The following TMEM132C variants were observed in gnomAD, a reference collection of about 807,000 sequenced individuals.
TMEM132C encodes transmembrane protein 132C.
A neutral mutation model predicts 61.4 loss-of-function variants in TMEM132C; 29 were observed. The ratio of observed to expected loss-of-function variants is 0.47; its 90% CI spans 0.35 to 0.64. TMEM132C has a LOEUF of 0.64. TMEM132C is among the 30% of genes least tolerant of loss of function. TMEM132C has a pLI of 0.00. For missense variants in TMEM132C, 1,408 were observed against 1,476.9 expected (o/e 0.95, Z 0.76); for synonymous variants, 656 against 633.1 (o/e 1.04, Z -0.54).
intron 1 of TMEM132C, among the ~76,000 whole-genome samples, chr12:128,360,252 A>ACG (rs1873657282): frequency 3.0e-5 from 2 of 67,580 alleles, no homozygotes; most frequent in African/African-American, 6.7e-5. Context: ...GACGACACAC[A>ACG]CACACACACA....
chr12:128,413,461 G>A (rs1471797502), intron 1 of TMEM132C, among the ~76,000 whole-genome samples: 1 of 151,738 alleles, frequency 6.6e-6, no homozygotes, highest in East Asian at 1.9e-4. Context: ...CAGAAAGGTC[G>A]TACCGCTTTT....
At chr12:128,588,630 T>C (rs56105550) in intron 3 of TMEM132C, among the ~76,000 whole-genome samples, 74,171 of 151,790 alleles carry the variant, frequency 0.49, 20,068 homozygotes, top group East Asian at 0.71. Context: ...AATGTAACTC[T>C]CAATGTGGTG....
intron 2 of TMEM132C, among the ~76,000 whole-genome samples, chr12:128,489,948 A>T (rs1221158748): frequency 6.6e-6 from 1 of 152,070 alleles, no homozygotes; most frequent in Non-Finnish European, 1.5e-5. Flanking sequence ...TGCCACCAAA[A>T]TCGTTGTGTT....
intron 2 of TMEM132C, among the ~76,000 whole-genome samples, chr12:128,433,242 A>T (rs1869456390): frequency 6.6e-6 from 1 of 152,136 alleles, no homozygotes; most frequent in Non-Finnish European, 1.5e-5. Flanking sequence ...ACTTTATTTC[A>T]CTGGTCTAGA....
At position 128,681,654 on chromosome 12, in the gene TMEM132C, CTT is replaced by C. The variant is rs5801810; in HGVS notation, c.1449+12110_1449+12111del. Among the ~76,000 whole-genome samples the C allele has an allele frequency of 3.7e-3, 485 of 131,580 alleles. 3 individuals are homozygous for C. Among genetic ancestry groups the C allele is most frequent in the African/African-American group, 0.01 (359 of 34,702 alleles). 86.3% of individuals were successfully genotyped at this position (131,580 alleles called of 152,430 possible). A position where few individuals can be genotyped will look rare whatever the true frequency, so the allele number is the denominator to read the frequency against. ...GCTGCAGACAGCTACCAGACTGTAT[CTT>C]TTTTTTTTTTTTTTTGAGACAGAGT... On this transcript the variant is annotated intron_variant, in intron 5 of 8. Coordinates refer to ENST00000435159, the MANE Select transcript of TMEM132C (RefSeq NM_001136103.3).
At chr12:128,643,897 G>C (rs896469866) in intron 4 of TMEM132C, among the ~76,000 whole-genome samples, 10 of 151,662 alleles carry the variant, frequency 6.6e-5, no homozygotes, top group African/African-American at 2.4e-4. Flanking sequence ...CGATGAACTT[G>C]AGCCAAAAAA....
intron 3 of TMEM132C, among the ~76,000 whole-genome samples, chr12:128,563,092 C>T (rs1275389827): frequency 6.6e-6 from 1 of 152,232 alleles, no homozygotes; most frequent in African/African-American, 2.4e-5. Context: ...AACAGACATA[C>T]CAGCTGTGCC....
chr12:128,631,498 C>T (rs896203371), intron 4 of TMEM132C, among the ~76,000 whole-genome samples: 4 of 152,150 alleles, frequency 2.6e-5, no homozygotes, highest in African/African-American at 9.7e-5. Flanking sequence ...GATGGGGCTA[C>T]TTTTTTTCAG....
intron 3 of TMEM132C, among the ~76,000 whole-genome samples, chr12:128,608,701 A>G (rs2135578793): frequency 6.6e-6 from 1 of 152,342 alleles, no homozygotes; most frequent in Admixed American, 6.5e-5. Flanking sequence ...AAAAATTACT[A>G]ATGTCTGAGT....
intron 1 of TMEM132C, among the ~76,000 whole-genome samples, chr12:128,352,761 C>G (rs1352887020): frequency 6.6e-6 from 1 of 152,198 alleles, no homozygotes; most frequent in African/African-American, 2.4e-5. Context: ...TCTGTAGCTA[C>G]TTTGCTTTGA....
intron 2 of TMEM132C, among the ~76,000 whole-genome samples, chr12:128,500,990 A>G (rs955850782): frequency 3.3e-5 from 5 of 152,250 alleles, no homozygotes; most frequent in Admixed American, 6.5e-5. Flanking sequence ...CATACTATGG[A>G]CAGTTATTCA....
intron 2 of TMEM132C, among the ~76,000 whole-genome samples, chr12:128,490,800 G>A (rs1645537687): frequency 6.6e-6 from 1 of 152,140 alleles, no homozygotes; most frequent in African/African-American, 2.4e-5. Context: ...TGCCAAATCT[G>A]CATTGGTTTC....
At chr12:128,578,106 T>TA (rs1325168642) in intron 3 of TMEM132C, among the ~76,000 whole-genome samples, 2 of 152,302 alleles carry the variant, frequency 1.3e-5, no homozygotes, top group Middle Eastern at 3.4e-3. Flanking sequence ...AAGCCAACCA[T>TA]AAAAATAAAT....
In TMEM132C at chr12:128,372,566, A is replaced by G. The variant is rs566090260; in HGVS notation, c.86-42166A>G. 1.3e-5 allele frequency among the ~76,000 whole-genome samples: 2 copies of G among 152,340 alleles called. 1 individual carries two copies. Among genetic ancestry groups the G allele is most frequent in the South Asian group, 4.1e-4 (2 of 4,822 alleles). On this transcript the variant is annotated intron_variant, in intron 1 of 8. Transcript: ENST00000435159. ...GATGTCTTTACCACTACTTTGCACA[A>G]TAAGCATTTGAATGCTTATTAATTA...
intron 3 of TMEM132C, among the ~76,000 whole-genome samples, chr12:128,602,516 C>CA (rs1241511938): frequency 6.6e-6 from 1 of 152,242 alleles, no homozygotes; most frequent in Non-Finnish European, 1.5e-5. Flanking sequence ...GTTAGGTCTT[C>CA]AGGTATTCAC....
At chr12:128,331,239 C>T (rs1301769602) in intron 1 of TMEM132C, among the ~76,000 whole-genome samples, 1 of 152,134 alleles carries the variant, frequency 6.6e-6, no homozygotes, top group Non-Finnish European at 1.5e-5. Context: ...TTTTTCCAGT[C>T]CATATCTTTG....
At chr12:128,531,629 A>T (rs575170899) in intron 2 of TMEM132C, among the ~76,000 whole-genome samples, 3 of 152,246 alleles carry the variant, frequency 2.0e-5, no homozygotes, top group African/African-American at 7.2e-5. Flanking sequence ...GCACATACAC[A>T]TGACTTCTCT....
chr12:128,661,844 CAATATGATATATTTACATAAACTATGT>C (rs1374219529), intron 4 of TMEM132C, among the ~76,000 whole-genome samples: 3 of 152,178 alleles, frequency 2.0e-5, no homozygotes, highest in Non-Finnish European at 2.9e-5. Flanking sequence ...GATGAAAGTA[CAATATGATATATTTACATAAACTATGT>C]AAAACGTGCT....
At chr12:128,334,745 G>C (rs1305827951) in intron 1 of TMEM132C, among the ~76,000 whole-genome samples, 1 of 151,918 alleles carries the variant, frequency 6.6e-6, no homozygotes, top group Admixed American at 6.6e-5. Context: ...ACAGGTGCCC[G>C]CCACCATGCC....
Sources: allele counts gnomAD v4.1 joint callset (sites outside exome capture counted in the v4.1 genomes callset), GRCh38; gene constraint gnomAD v4.1.1; transcripts MANE v1.5; gene names NCBI Gene and HGNC (gene_info 2026-07-23, HGNC 2026-07-21).